The following GDPD1 variants were observed in gnomAD, a reference collection of about 807,000 sequenced individuals.
The protein encoded by GDPD1 is glycerophosphodiester phosphodiesterase domain containing 1.
In GDPD1, 28 loss-of-function variants were observed where a neutral mutation model predicts 45.1. That is an observed-to-expected ratio of 0.62 (90% CI 0.46 to 0.85). The LOEUF is 0.85. Among genes scored for constraint, GDPD1 ranks in the 40% least tolerant of loss-of-function variants. The pLI is 0.00. For synonymous variants in GDPD1, 139 were observed against 131.4 expected, an observed-to-expected ratio of 1.06 and a Z score of -0.40; for missense variants, 256 against 364.8, an observed-to-expected ratio of 0.70 and a Z score of 2.43.
intron 1 of GDPD1, among the ~76,000 whole-genome samples, chr17:59,232,909 T>C (rs1289129712): frequency 6.6e-6 from 1 of 152,070 alleles, no homozygotes; most frequent in African/African-American, 2.4e-5. Flanking sequence ...CAGTGTATGG[T>C]AATTTTTTAA....
At position 59,274,759 on chromosome 17, in the gene GDPD1, C is replaced by A. The variant is rs1489521968; in HGVS notation, c.*986C>A. On this transcript the variant is annotated 3_prime_UTR_variant, in exon 10 of 10. Coordinates refer to ENST00000284116, the MANE Select transcript of GDPD1 (RefSeq NM_182569.4). Reference sequence around the variant, plus strand: ...CGCCACTGCACTCCAGCCTGGGCTACAGAGCAAGACTCCGTCTCAAAAAAA... The same window carrying A: ...CGCCACTGCACTCCAGCCTGGGCTAAAGAGCAAGACTCCGTCTCAAAAAAA... Among the ~76,000 whole-genome samples, 2 of 149,136 alleles carry A rather than the reference C, an allele frequency of 1.3e-5. No homozygotes were observed. Among genetic ancestry groups the A allele is most frequent in the African/African-American group, 4.9e-5 (2 of 40,420 alleles).
chr17:59,268,939 A>G (rs2047422389), intron 7 of GDPD1, among the ~76,000 whole-genome samples: 2 of 150,778 alleles, frequency 1.3e-5, no homozygotes, highest in Admixed American at 6.6e-5. Context: ...GCGGTGAGCC[A>G]AGATCGCGCC....
chr17:59,220,516 G>T lies in GDPD1; in HGVS notation c.-94G>T. ...CAGTGGCACCGGCTGGGGGCGAGCC[G>T]ACCTCGAGCAGCCGCCGCCGCCGCC... On this transcript the variant is annotated 5_prime_UTR_variant, in exon 1 of 10. Transcript: ENST00000284116. The T allele has an allele frequency of 7.1e-7, 1 of 1,401,952 alleles. No homozygotes were observed. Among genetic ancestry groups the T allele is most frequent in the South Asian group, 1.3e-5 (1 of 78,174 alleles). 86.8% of individuals were successfully genotyped at this position (1,401,952 alleles called of 1,614,324 possible).
chr17:59,264,147 C>T (rs1374268103), intron 6 of GDPD1, among the ~76,000 whole-genome samples: 3 of 151,534 alleles, frequency 2.0e-5, no homozygotes, highest in African/African-American at 4.9e-5. Context: ...TACAGGCACA[C>T]GTCACCATGC....
intron 4 of GDPD1, among the ~76,000 whole-genome samples, chr17:59,256,442 AT>A (rs1045294638): frequency 6.6e-6 from 1 of 152,228 alleles, no homozygotes; most frequent in African/African-American, 2.4e-5. Context: ...GAATAACTGC[AT>A]TCATATAATT....
At chr17:59,265,186 A>AAC (rs978603103) in intron 6 of GDPD1, among the ~76,000 whole-genome samples, 1 of 152,040 alleles carries the variant, frequency 6.6e-6, no homozygotes, top group African/African-American at 2.4e-5. Context: ...GATTTTTAAA[A>AAC]ATATATATTA....
At chr17:59,220,834 C>A in intron 1 of GDPD1, 83 bp downstream of exon 1, 1 of 1,476,602 alleles carries the variant, frequency 6.8e-7, no homozygotes, top group Non-Finnish European at 9.2e-7. Flanking sequence ...AGCCGGGTGC[C>A]AATCCCTGAG....
intron 2 of GDPD1, among the ~76,000 whole-genome samples, chr17:59,242,187 C>T (rs993629086): frequency 2.0e-5 from 3 of 151,990 alleles, no homozygotes; most frequent in Admixed American, 6.6e-5. Context: ...CTCAGCCTTC[C>T]GAGTAGCTGG....
intron 4 of GDPD1, among the ~76,000 whole-genome samples, chr17:59,254,774 C>T (rs1025668140): frequency 3.3e-5 from 5 of 152,124 alleles, no homozygotes; most frequent in African/African-American, 7.2e-5. Context: ...TCTCTATCTC[C>T]GTTTCTTGCT....
intron 1 of GDPD1, among the ~76,000 whole-genome samples, chr17:59,227,837 CTT>C (rs2047059304): frequency 6.6e-6 from 1 of 152,148 alleles, no homozygotes. Context: ...TAAAATACAT[CTT>C]AACTTCAGAG....
intron 1 of GDPD1, among the ~76,000 whole-genome samples, chr17:59,229,320 A>AT (rs11302392): frequency 0.1 from 14,664 of 141,668 alleles, 936 homozygotes; most frequent in South Asian, 0.24. Flanking sequence ...GCCTGGCTAA[A>AT]TTTTTTTTTT....
intron 9 of GDPD1, among the ~76,000 whole-genome samples, chr17:59,273,372 C>T (rs764419892): frequency 6.6e-6 from 1 of 152,136 alleles, no homozygotes; most frequent in African/African-American, 2.4e-5. Context: ...AGGTGATCTG[C>T]CTGCCTTGGC....
chr17:59,269,050 G>A (rs943176004), intron 7 of GDPD1, among the ~76,000 whole-genome samples: 6 of 151,836 alleles, frequency 4.0e-5, no homozygotes, highest in Admixed American at 3.9e-4. Flanking sequence ...TGTAATCCCA[G>A]CACTGTGGGA....
At chr17:59,266,374 T>A (rs866452439) in intron 6 of GDPD1, among the ~76,000 whole-genome samples, 1 of 143,938 alleles carries the variant, frequency 6.9e-6, no homozygotes, top group Non-Finnish European at 1.5e-5. Flanking sequence ...GGTGACAGAG[T>A]GAGACTCCGT....
At chr17:59,220,878 G>A in intron 1 of GDPD1, 127 bp downstream of exon 1, 1 of 1,059,462 alleles carries the variant, frequency 9.4e-7, no homozygotes, top group Non-Finnish European at 1.4e-6. Context: ...GTGAATTGAG[G>A]GCTCTTCCGG....
At chr17:59,228,764 C>G (rs1332354397) in intron 1 of GDPD1, among the ~76,000 whole-genome samples, 1 of 151,368 alleles carries the variant, frequency 6.6e-6, no homozygotes, top group African/African-American at 2.4e-5. Flanking sequence ...GCCTGTAGTC[C>G]TAGCTACTTG....
intron 2 of GDPD1, among the ~76,000 whole-genome samples, chr17:59,242,282 T>G (rs565924526): frequency 2.9e-4 from 44 of 152,302 alleles, no homozygotes; most frequent in Admixed American, 7.8e-4. Context: ...AGGCTGGCCT[T>G]GAACTACTGA....
rs149536097 is a variant in GDPD1, at chr17:59,222,505, C to CTTTTTTTTTTTTTTTTTTT, written c.142+1762_142+1780dup. Among the ~76,000 whole-genome samples, 112 of 41,736 alleles carry CTTTTTTTTTTTTTTTTTTT rather than the reference C, an allele frequency of 2.7e-3. 23 individuals are homozygous for CTTTTTTTTTTTTTTTTTTT. The highest frequency in any genetic ancestry group is 3.2e-3 in the Non-Finnish European group (70 of 21,762). 27.4% of individuals were successfully genotyped at this position (41,736 alleles called of 152,430 possible). A position where few individuals can be genotyped will look rare whatever the true frequency, so the allele number is the denominator to read the frequency against. ...ACAGGCGTGAGCCACAGTGCCCAGC[C>CTTTTTTTTTTTTTTTTTTT]TTTTTTTTTTTTTTTTTTTTTTTTT... On this transcript the variant is annotated intron_variant, in intron 1 of 9. Coordinates refer to ENST00000284116, the MANE Select transcript of GDPD1 (RefSeq NM_182569.4).
chr17:59,243,008 G>T (rs1393311326), intron 2 of GDPD1, among the ~76,000 whole-genome samples: 2 of 152,056 alleles, frequency 1.3e-5, no homozygotes, highest in Non-Finnish European at 2.9e-5. Flanking sequence ...GGGCAACATG[G>T]TGAAACCCCA....
Sources: allele counts gnomAD v4.1 joint callset (sites outside exome capture counted in the v4.1 genomes callset), GRCh38; gene constraint gnomAD v4.1.1; transcripts MANE v1.5; gene names NCBI Gene and HGNC (gene_info 2026-07-23, HGNC 2026-07-21).